Variants in PAQR5 observed in about 807,000 individuals in gnomAD.
PAQR5 encodes progestin and adipoQ receptor family member 5.
A neutral mutation model predicts 34.5 loss-of-function variants in PAQR5; 20 were observed. The ratio of observed to expected loss-of-function variants is 0.58; its 90% confidence interval spans 0.41 to 0.84. The LOEUF is 0.84. Ranked by LOEUF, PAQR5 falls within the 40% of genes least tolerant of loss-of-function variation. The pLI is 0.00. For missense variants in PAQR5, 378 were observed against 412.7 expected (o/e 0.92, Z 0.73); for synonymous variants, 131 against 155.6 (o/e 0.84, Z 1.18).
At chr15:69,355,283 CTT>C (rs1555417948) in intron 2 of PAQR5, among the ~76,000 whole-genome samples, 2 of 149,620 alleles carry the variant, frequency 1.3e-5, no homozygotes, top group South Asian at 4.3e-4. Flanking sequence ...TTCTCTCTTT[CTT>C]TCTTTTCTTT....
chr15:69,395,089 C>A (rs1473650038), intron 6 of PAQR5, among the ~76,000 whole-genome samples: 1 of 152,334 alleles, frequency 6.6e-6, no homozygotes, highest in East Asian at 1.9e-4. Context: ...CCTTTAAGAG[C>A]GAGCCTCTCA....
intron 1 of PAQR5, among the ~76,000 whole-genome samples, chr15:69,309,556 G>C (rs1403771862): frequency 6.6e-6 from 1 of 152,120 alleles, no homozygotes; most frequent in Non-Finnish European, 1.5e-5. Flanking sequence ...TCACTGGGAA[G>C]AGTTTTCATC....
intron 8 of PAQR5, among the ~76,000 whole-genome samples, chr15:69,400,329 C>T (rs1595951905): frequency 6.6e-6 from 1 of 152,168 alleles, no homozygotes; most frequent in South Asian, 2.1e-4. Context: ...GGCCCAGGAG[C>T]CTAAAGCATT....
chr15:69,400,637 T>G (rs937119014), intron 8 of PAQR5, among the ~76,000 whole-genome samples: 7 of 152,118 alleles, frequency 4.6e-5, no homozygotes, highest in Non-Finnish European at 1.5e-5. Context: ...GCCATGATCA[T>G]GCACTGCACT....
chr15:69,329,607 C>T (rs1427316058), intron 1 of PAQR5, among the ~76,000 whole-genome samples: 1 of 150,830 alleles, frequency 6.6e-6, no homozygotes, highest in Admixed American at 6.7e-5. Context: ...GCCTCAGTTT[C>T]CTGAGTGGCT....
intron 8 of PAQR5, among the ~76,000 whole-genome samples, chr15:69,400,783 G>T (rs1179041157): frequency 6.6e-6 from 1 of 152,164 alleles, no homozygotes; most frequent in Non-Finnish European, 1.5e-5. Flanking sequence ...AAGGGAAAAG[G>T]GGAGAAAGCA....
chr15:69,324,992 A>T (rs1252471653), intron 1 of PAQR5, among the ~76,000 whole-genome samples: 1 of 150,258 alleles, frequency 6.7e-6, no homozygotes, highest in Non-Finnish European at 1.5e-5. Context: ...TCTTCCTCCC[A>T]GGCTCAAGTG....
intron 2 of PAQR5, among the ~76,000 whole-genome samples, chr15:69,352,553 A>G (rs919017857): frequency 1.2e-4 from 19 of 152,214 alleles, no homozygotes; most frequent in African/African-American, 3.4e-4. Context: ...CCCTATGATC[A>G]GTTGACAAAG....
At chr15:69,317,767 C>A (rs528449683) in intron 1 of PAQR5, among the ~76,000 whole-genome samples, 1 of 152,104 alleles carries the variant, frequency 6.6e-6, no homozygotes, top group South Asian at 2.1e-4. Context: ...GCTTTCTCCA[C>A]GTGCCCACCC....
At chr15:69,334,259 A>G (rs1289434821) in intron 1 of PAQR5, among the ~76,000 whole-genome samples, 1 of 152,092 alleles carries the variant, frequency 6.6e-6, no homozygotes, top group Non-Finnish European at 1.5e-5. Context: ...CGAGCTCTTG[A>G]CCTCGTGATC....
intron 1 of PAQR5, among the ~76,000 whole-genome samples, chr15:69,305,851 C>T (rs2053704246): frequency 2.0e-5 from 3 of 152,166 alleles, no homozygotes; most frequent in African/African-American, 7.2e-5. Context: ...CTGACCTTGT[C>T]GCTTAATGGA....
chr15:69,385,514 T>C lies in PAQR5; in HGVS notation c.385+632T>C, dbSNP rs1037335530. On this transcript the variant is annotated intron_variant, in intron 5 of 8. Coordinates refer to ENST00000395407, the MANE Select transcript of PAQR5 (RefSeq NM_017705.4). This position sits in a 1 kb window ranked among gnomAD's most constrained non-coding sequence, Gnocchi z 4.7. Reference sequence around the variant, plus strand: ...AGATCAGCAACCTAAGCTGGTGAAATTCGGTGCTGACCGCCCCCTCTTCCT... The same window carrying C: ...AGATCAGCAACCTAAGCTGGTGAAACTCGGTGCTGACCGCCCCCTCTTCCT... 3.3e-5 allele frequency among the ~76,000 whole-genome samples: 5 copies of C among 152,098 alleles called. No individual in the cohort carries two copies. The highest frequency in any genetic ancestry group is 3.3e-4 in the Admixed American group (5 of 15,266).
Position 69,335,638 on chromosome 15 carries a change from C to T in PAQR5, c.-276-1703C>T, listed in dbSNP as rs185202110. ...GATCTTGGCTCACTGCAACCTCTGC[C>T]TCCCAGGTTCAAGCCATTCTCCTTA... is the stretch of plus-strand genomic sequence containing the variant. On this transcript the variant is annotated intron_variant, in intron 1 of 8. Transcript: ENST00000395407. Among the ~76,000 whole-genome samples, 962 of 149,122 alleles carry T rather than the reference C, an allele frequency of 6.5e-3. 7 individuals are homozygous for T. Among genetic ancestry groups the T allele is most frequent in the African/African-American group, 0.022 (887 of 40,416 alleles).
At chr15:69,335,084 G>A (rs1179674341) in intron 1 of PAQR5, among the ~76,000 whole-genome samples, 1 of 151,822 alleles carries the variant, frequency 6.6e-6, no homozygotes, top group Admixed American at 6.6e-5. Context: ...AATTAGCCGG[G>A]CCTGTGGCAG....
intron 7 of PAQR5, among the ~76,000 whole-genome samples, chr15:69,399,458 G>A (rs146643967): frequency 2.5e-3 from 379 of 152,280 alleles, no homozygotes; most frequent in Non-Finnish European, 4.6e-3. Context: ...TTTGTTACAG[G>A]TAAGGCTTCC....
At position 69,371,382 on chromosome 15, in the gene PAQR5, T is replaced by C. The variant is rs549534255; in HGVS notation, c.52-8501T>C. Among the ~76,000 whole-genome samples, 5 of 152,320 alleles carry C rather than the reference T, an allele frequency of 3.3e-5. No homozygotes were observed. In the South Asian group the frequency reaches 1.0e-3, roughly 32 times the overall value. ...ATGAGGCTGCAGCATATGATAATTA[T>C]ATTAAGCAGAAAAATTATTAAATAT... On this transcript the variant is annotated intron_variant, in intron 3 of 8. Transcript: ENST00000395407.
At chr15:69,366,011 T>C (rs1429134808) in intron 3 of PAQR5, among the ~76,000 whole-genome samples, 1 of 152,220 alleles carries the variant, frequency 6.6e-6, no homozygotes, top group African/African-American at 2.4e-5. Flanking sequence ...AGTGTTTTAG[T>C]TTGTTGAACA....
intron 2 of PAQR5, among the ~76,000 whole-genome samples, chr15:69,351,650 G>C (rs986025621): frequency 6.6e-6 from 1 of 152,168 alleles, no homozygotes; most frequent in African/African-American, 2.4e-5. Context: ...AAGAGATCAT[G>C]CTGGCCCATT....
chr15:69,369,552 A>C (rs1440701432), intron 3 of PAQR5, among the ~76,000 whole-genome samples: 2 of 152,218 alleles, frequency 1.3e-5, no homozygotes, highest in East Asian at 3.9e-4. Flanking sequence ...AAAAAAAAAA[A>C]AAGTAGAAAT....
Sources: allele counts gnomAD v4.1 joint callset (sites outside exome capture counted in the v4.1 genomes callset), GRCh38; gene constraint gnomAD v4.1.1; non-coding constraint Gnocchi (gnomAD v3.1); transcripts MANE v1.5; gene names NCBI Gene and HGNC (gene_info 2026-07-23, HGNC 2026-07-21).